CDH23: variants seen among roughly 807,000 people sequenced by gnomAD.
The protein encoded by CDH23 is cadherin-23.
CDH23 carries 189 observed loss-of-function variants against 317.1 expected under a neutral mutation model. The ratio of observed to expected loss-of-function variants is 0.60; its 90% CI spans 0.53 to 0.67. The LOEUF (loss-of-function observed/expected upper bound fraction) is 0.67, where lower values mean the gene tolerates loss of function less well. Ranked by LOEUF, CDH23 falls within the 30% of genes least tolerant of loss-of-function variation. CDH23 has a pLI of 0.00. For missense variants in CDH23, 4,401 were observed against 4,592.4 expected, an observed-to-expected ratio of 0.96 and a Z score of 1.20; for synonymous variants, 1,839 against 1,876.8, an observed-to-expected ratio of 0.98 and a Z score of 0.52.
intron 38 of CDH23, chr10:71,752,888 C>G (rs1332341111): frequency 6.0e-6 from 9 of 1,490,162 alleles, no homozygotes; most frequent in Non-Finnish European, 8.3e-6. Context: ...CTCTAGGCAG[C>G]TAAACAGGGC....
chr10:71,514,005 G>A (rs1394321337), intron 6 of CDH23, among the ~76,000 whole-genome samples: 1 of 152,022 alleles, frequency 6.6e-6, no homozygotes, highest in African/African-American at 2.4e-5. Context: ...GCAAATCCAG[G>A]TCTATCTAAG....
chr10:71,690,450 A>C lies in CDH23; in HGVS notation c.2060-18A>C, dbSNP rs2132705482. 1 of 1,567,208 alleles carries C rather than the reference A, an allele frequency of 6.4e-7. No homozygotes were observed. The highest frequency in any genetic ancestry group is 8.7e-7 in the Non-Finnish European group (1 of 1,151,784). On this transcript the variant is annotated intron_variant, in intron 19 of 69. Coordinates refer to ENST00000224721, the MANE Select transcript of CDH23 (RefSeq NM_022124.6). ...AGGGTGAGCAGCACCCCCTGCCCCC[A>C]CCTTTTTCCCCCTGAAGGAGCCACG...
chr10:71,631,790 A>G (rs1348957703), intron 11 of CDH23, among the ~76,000 whole-genome samples: 1 of 152,242 alleles, frequency 6.6e-6, no homozygotes, highest in Non-Finnish European at 1.5e-5. Context: ...CAGATATGCT[A>G]AATAGTCCTA....
intron 3 of CDH23, among the ~76,000 whole-genome samples, chr10:71,449,582 AG>A (rs1850334358): frequency 6.6e-6 from 1 of 152,234 alleles, no homozygotes; most frequent in African/African-American, 2.4e-5. Context: ...TTATAACAAC[AG>A]CATTTATTGA....
intron 6 of CDH23, among the ~76,000 whole-genome samples, chr10:71,528,191 A>G (rs1855151254): frequency 6.6e-6 from 1 of 152,164 alleles, no homozygotes; most frequent in Non-Finnish European, 1.5e-5. Flanking sequence ...TCCTGTGCCC[A>G]GAAAGAGAAG....
chr10:71,398,979 T>C (rs1350949196), intron 1 of CDH23, among the ~76,000 whole-genome samples: 1 of 152,198 alleles, frequency 6.6e-6, no homozygotes, highest in Non-Finnish European at 1.5e-5. Context: ...TCTAAACAGC[T>C]GGGCTCCTCA....
chr10:71,415,401 C>G (rs1848493658), intron 1 of CDH23, among the ~76,000 whole-genome samples: 1 of 152,156 alleles, frequency 6.6e-6, no homozygotes, highest in African/African-American at 2.4e-5. Context: ...CCATCCGTCT[C>G]ATTTTCTTTG....
chr10:71,473,193 C>G (rs1010675724), intron 3 of CDH23, among the ~76,000 whole-genome samples: 1 of 152,184 alleles, frequency 6.6e-6, no homozygotes, highest in Non-Finnish European at 1.5e-5. Context: ...CAGGATGCTC[C>G]CGGAGTCTTC....
At chr10:71,774,048 C>T (rs1589413851) in intron 38 of CDH23, among the ~76,000 whole-genome samples, 2 of 119,456 alleles carry the variant, frequency 1.7e-5, no homozygotes, top group South Asian at 2.9e-4. Context: ...TGCATGCGCG[C>T]GCGCACACAC....
Position 71,731,836 on chromosome 10 carries a change from C to T in CDH23, c.3716-151C>T, listed in dbSNP as rs1839398552. 1.4e-5 allele frequency: 10 copies of T among 738,790 alleles called. No homozygotes were observed. The Admixed American group carries it at 1.9e-4, about 14-fold the overall frequency. 45.8% of individuals were successfully genotyped at this position (738,790 alleles called of 1,614,324 possible). A position where few individuals can be genotyped will look rare whatever the true frequency, so the allele number is the denominator to read the frequency against. ...CACATTGACCTTAACACATCCTCTG[C>T]TGCATCTCTGAGGATGATCCTGCCG... On this transcript the variant is annotated intron_variant, in intron 31 of 69. Coordinates refer to ENST00000224721, the MANE Select transcript of CDH23 (RefSeq NM_022124.6).
intron 28 of CDH23, chr10:71,713,047 A>G: frequency 1.4e-6 from 1 of 735,990 alleles, no homozygotes; most frequent in Non-Finnish European, 2.5e-6. Context: ...CCCCACAAAC[A>G]GGAGGAAGAC....
chr10:71,534,990 T>C (rs1855616385), intron 6 of CDH23, among the ~76,000 whole-genome samples: 1 of 152,258 alleles, frequency 6.6e-6, no homozygotes, highest in Non-Finnish European at 1.5e-5. Flanking sequence ...CCTCCCTGTG[T>C]GGGCTGTCAG....
At chr10:71,778,959 C>T (rs936375313) in intron 40 of CDH23, among the ~76,000 whole-genome samples, 1 of 152,104 alleles carries the variant, frequency 6.6e-6, no homozygotes, top group African/African-American at 2.4e-5. Context: ...GAGGTGGGGT[C>T]TTGCTATATT....
At chr10:71,617,601 G>A in intron 11 of CDH23, 1 of 1,291,494 alleles carries the variant, frequency 7.7e-7, no homozygotes, top group Non-Finnish European at 1.0e-6. Context: ...AAACATGTAA[G>A]CACATGTTTC....
At position 71,417,209 on chromosome 10, in the gene CDH23, T is replaced by G. The variant is rs185388667; in HGVS notation, c.-6+19891T>G. ...CTCCTGCCTCAGCCTCCCAAGTACC[T>G]GGGACTACAGGCGCACACCACCACA... On this transcript the variant is annotated intron_variant, in intron 1 of 69. Coordinates refer to ENST00000224721, the MANE Select transcript of CDH23 (RefSeq NM_022124.6). 4.4e-3 allele frequency among the ~76,000 whole-genome samples: 665 copies of G among 152,124 alleles called. 5 individuals carry two copies. Among genetic ancestry groups the G allele is most frequent in the African/African-American group, 0.015 (624 of 41,502 alleles).
At chr10:71,509,992 C>T (rs1853866441) in intron 3 of CDH23, 90 bp from the exon 4 acceptor site, 1 of 1,486,716 alleles carries the variant, frequency 6.7e-7, no homozygotes, top group Non-Finnish European at 9.4e-7. Flanking sequence ...TGGCCACTCC[C>T]TGCTGAGAGT....
chr10:71,566,700 C>T (rs1042961035), intron 6 of CDH23, 42 bp from the exon 7 acceptor site: 27 of 1,527,636 alleles, frequency 1.8e-5, no homozygotes, highest in East Asian at 2.3e-5. Flanking sequence ...GCAGCTGCTC[C>T]GCACTGGCTC....
At chr10:71,683,022 CTCT>C (rs2132683897) in intron 18 of CDH23, among the ~76,000 whole-genome samples, 1 of 152,308 alleles carries the variant, frequency 6.6e-6, no homozygotes, top group African/African-American at 2.4e-5. Context: ...TTTTCCACTC[CTCT>C]GAAGATCTAA....
chr10:71,764,459 A>G (rs1273890032), intron 38 of CDH23, among the ~76,000 whole-genome samples: 1 of 152,178 alleles, frequency 6.6e-6, no homozygotes, highest in Non-Finnish European at 1.5e-5. Context: ...CTTCACACAT[A>G]TTTCATTGGA....
Sources: gnomAD v4.1 joint callset for allele counts (sites outside exome capture counted in the v4.1 genomes callset) on GRCh38, gnomAD v4.1.1 for gene constraint, MANE v1.5 for transcripts, NCBI Gene and HGNC (gene_info 2026-07-23, HGNC 2026-07-21) for gene names.